SNX29: variants seen among roughly 807,000 people sequenced by gnomAD.
SNX29 encodes sorting nexin-29.
SNX29 carries 78 observed loss-of-function variants against 102.1 expected under a neutral mutation model. That is an observed-to-expected ratio of 0.76 (90% CI 0.64 to 0.92). The LOEUF (loss-of-function observed/expected upper bound fraction) is 0.92, where lower values mean the gene tolerates loss of function less well. SNX29 is among the 40% of genes least tolerant of loss of function. SNX29 has a pLI of 0.00. For missense variants in SNX29, 1,280 were observed against 1,061.7 expected (o/e 1.21, Z -2.86); for synonymous variants, 580 against 414.5 (o/e 1.40, Z -4.85).
intron 13 of SNX29, among the ~76,000 whole-genome samples, chr16:12,181,016 T>A (rs909595898): frequency 1.3e-5 from 2 of 152,270 alleles, no homozygotes; most frequent in African/African-American, 4.8e-5. Context: ...TTTCCCTCAC[T>A]GCAGGGCCCA....
intron 11 of SNX29, among the ~76,000 whole-genome samples, chr16:12,123,542 A>C (rs2054072714): frequency 6.6e-6 from 1 of 152,188 alleles, no homozygotes; most frequent in Non-Finnish European, 1.5e-5. Flanking sequence ...TCATATACAT[A>C]TACATCTATG....
intron 13 of SNX29, among the ~76,000 whole-genome samples, chr16:12,162,993 C>T (rs184383274): frequency 1.3e-5 from 2 of 152,206 alleles, no homozygotes; most frequent in Admixed American, 6.5e-5. Flanking sequence ...GTGATTCTCT[C>T]ACCTCAGCCT....
Position 12,112,915 on chromosome 16 carries a change from C to G in SNX29, c.1403-13718C>G, listed in dbSNP as rs148440606. Reference sequence around the variant, plus strand: ...TGTATTCCACATGTTAAGAGATCACCTCTGCACTGGATTCATTGGAGCACC... The same window carrying G: ...TGTATTCCACATGTTAAGAGATCACGTCTGCACTGGATTCATTGGAGCACC... On this transcript the variant is annotated intron_variant, in intron 11 of 20. Transcript: ENST00000566228. Among the ~76,000 whole-genome samples the G allele has an allele frequency of 3.5e-3, 536 of 152,294 alleles. 5 individuals are homozygous for G. Among genetic ancestry groups the G allele is most frequent in the African/African-American group, 0.012 (501 of 41,560 alleles).
intron 16 of SNX29, among the ~76,000 whole-genome samples, chr16:12,395,288 A>G (rs1048459113): frequency 1.3e-5 from 2 of 152,144 alleles, no homozygotes; most frequent in African/African-American, 4.8e-5. Context: ...ACTAGGGAGA[A>G]GAGACTTCTT....
At chr16:12,559,258 C>A (rs189179914) in intron 20 of SNX29, among the ~76,000 whole-genome samples, 1 of 152,084 alleles carries the variant, frequency 6.6e-6, no homozygotes, top group East Asian at 1.9e-4. Flanking sequence ...CGCCTGAGCT[C>A]TGCCTGTCAG....
intron 15 of SNX29, among the ~76,000 whole-genome samples, chr16:12,348,893 G>A (rs1399406998): frequency 6.6e-6 from 1 of 151,134 alleles, no homozygotes; most frequent in Non-Finnish European, 1.5e-5. Context: ...GAGAGGAAGT[G>A]GAACATTCCT....
At chr16:12,132,989 C>T (rs2054523533) in intron 13 of SNX29, among the ~76,000 whole-genome samples, 1 of 152,202 alleles carries the variant, frequency 6.6e-6, no homozygotes, top group Non-Finnish European at 1.5e-5. Flanking sequence ...CTGACAGTGG[C>T]TTGCTCGGGC....
At chr16:12,459,769 C>A (rs147553375) in intron 18 of SNX29, among the ~76,000 whole-genome samples, 1 of 152,332 alleles carries the variant, frequency 6.6e-6, no homozygotes, top group Non-Finnish European at 1.5e-5. Flanking sequence ...ACTGGTCCTG[C>A]CCCTCAGGAG....
intron 20 of SNX29, among the ~76,000 whole-genome samples, chr16:12,556,034 G>C (rs1028032042): frequency 5.3e-5 from 8 of 152,242 alleles, no homozygotes; most frequent in African/African-American, 1.9e-4. Context: ...TGCCACCGTA[G>C]TGCTGAGTGA....
intron 11 of SNX29, among the ~76,000 whole-genome samples, chr16:12,105,517 C>T (rs530329036): frequency 7.4e-4 from 113 of 151,998 alleles, no homozygotes; most frequent in Middle Eastern, 3.2e-3. Flanking sequence ...CCACCACACC[C>T]GGCCAGGAAT....
chr16:12,449,411 G>C (rs1415021633), intron 18 of SNX29, among the ~76,000 whole-genome samples: 1 of 152,068 alleles, frequency 6.6e-6, no homozygotes, highest in African/African-American at 2.4e-5. Context: ...AGCTTGGAGT[G>C]AGCTGGTTTA....
At chr16:12,064,165 A>G (rs1318800516) in intron 9 of SNX29, among the ~76,000 whole-genome samples, 1 of 149,276 alleles carries the variant, frequency 6.7e-6, no homozygotes, top group Non-Finnish European at 1.5e-5. Flanking sequence ...TTGTTTTGGC[A>G]GCTCCTTTGC....
chr16:12,154,472 C>T (rs919944982), intron 13 of SNX29, among the ~76,000 whole-genome samples: 2 of 152,154 alleles, frequency 1.3e-5, no homozygotes, highest in African/African-American at 4.8e-5. Flanking sequence ...TTCCTAATTA[C>T]ATACGTGTGT....
chr16:12,053,270 GAGA>G (rs2050380448), intron 8 of SNX29: 1 of 136,736 alleles, frequency 7.3e-6, no homozygotes, highest in Non-Finnish European at 1.5e-5. Flanking sequence ...GGCAACAAGA[GAGA>G]AGGTCCTTCT....
At chr16:12,553,818 C>T (rs990894457) in intron 20 of SNX29, among the ~76,000 whole-genome samples, 3 of 151,928 alleles carry the variant, frequency 2.0e-5, no homozygotes, top group African/African-American at 7.3e-5. Flanking sequence ...GAACTCCTGA[C>T]CTTGTGATCC....
intron 11 of SNX29, among the ~76,000 whole-genome samples, chr16:12,110,927 G>A (rs1192876558): frequency 6.6e-6 from 1 of 151,872 alleles, no homozygotes. Flanking sequence ...GGGCTCAAGC[G>A]ACCCTCCTGG....
intron 15 of SNX29, among the ~76,000 whole-genome samples, chr16:12,320,643 G>T (rs2080901760): frequency 6.6e-6 from 1 of 152,150 alleles, no homozygotes; most frequent in South Asian, 2.1e-4. Context: ...TGTGTTCCAG[G>T]CAGTGTGTCA....
At position 12,086,176 on chromosome 16, in the gene SNX29, TGTAATTTTTA is replaced by T. The variant is rs574878990; in HGVS notation, c.1402+7265_1402+7274del. 1.1e-4 allele frequency among the ~76,000 whole-genome samples: 17 copies of T among 151,744 alleles called. No homozygotes were observed. In the South Asian group the frequency reaches 3.3e-3, roughly 30 times the overall value. On this transcript the variant is annotated intron_variant, in intron 11 of 20. Coordinates refer to ENST00000566228, the MANE Select transcript of SNX29 (RefSeq NM_032167.5). ...CCGCCACCACGCCTGGCTAATTTTT[TGTAATTTTTA>T]GTAGAGACGGGATTTCACTGTGTTA...
At chr16:12,428,722 G>C (rs906768173) in intron 18 of SNX29, among the ~76,000 whole-genome samples, 5 of 151,704 alleles carry the variant, frequency 3.3e-5, no homozygotes, top group Non-Finnish European at 7.4e-5. Flanking sequence ...TCTCTTTCTA[G>C]TTAATCACAC....
Sources: gnomAD v4.1 joint callset for allele counts (sites outside exome capture counted in the v4.1 genomes callset) on GRCh38, gnomAD v4.1.1 for gene constraint, MANE v1.5 for transcripts, NCBI Gene and HGNC (gene_info 2026-07-23, HGNC 2026-07-21) for gene names.